USH2A: variants seen among roughly 807,000 people sequenced by gnomAD.
USH2A encodes Usher syndrome 2A (autosomal recessive, mild).
USH2A carries 443 observed loss-of-function variants against 538.9 expected under a neutral mutation model. That is an observed-to-expected ratio of 0.82 (90% CI 0.76 to 0.89). The LOEUF (loss-of-function observed/expected upper bound fraction) is 0.89. Ranked by LOEUF, USH2A falls within the 40% of genes least tolerant of loss-of-function variation. USH2A has a pLI of 0.00. For missense variants in USH2A, 6,633 were observed against 6,324.8 expected (o/e 1.05, Z -1.65); for synonymous variants, 2,413 against 2,273.5 (o/e 1.06, Z -1.75).
intron 61 of USH2A, among the ~76,000 whole-genome samples, chr1:215,694,132 G>A (rs1322283468): frequency 1.3e-5 from 2 of 152,170 alleles, no homozygotes; most frequent in African/African-American, 4.8e-5. Context: ...TGATTTTGTT[G>A]TTGAGCCTAA....
At position 216,175,464 on chromosome 1, in the gene USH2A, G is replaced by A. The variant is rs1487010011; in HGVS notation, c.4415C>T (p.Pro1472Leu). Residue 1472 changes from proline (P) to leucine (L), a missense_variant, in exon 21 of 72, where the codon CCA (proline) becomes CTA (leucine). Transcript: ENST00000307340. Reference sequence around the variant, plus strand: ...GCTGTTGATTCCTTTAACCAGAGGTGGCCTCAGTTGTGCTGGTGCTAAATA... The same window carrying A: ...GCTGTTGATTCCTTTAACCAGAGGTAGCCTCAGTTGTGCTGGTGCTAAATA... ...TLAAAPAQLRPPLVKGINSTT... is the reference protein window; with the variant it reads ...TLAAAPAQLRLPLVKGINSTT... The A allele has an allele frequency of 1.9e-6, 3 of 1,613,758 alleles. No homozygotes were observed. In the South Asian group the frequency reaches 3.3e-5, roughly 18 times the overall value.
chr1:216,389,430 A>G (rs2039062133), intron 3 of USH2A, among the ~76,000 whole-genome samples: 1 of 152,178 alleles, frequency 6.6e-6, no homozygotes, highest in Non-Finnish European at 1.5e-5. Flanking sequence ...TCAATAGAAT[A>G]TAATTCTCCA....
intron 37 of USH2A, among the ~76,000 whole-genome samples, chr1:215,947,701 A>C (rs1229334930): frequency 6.6e-6 from 1 of 152,224 alleles, no homozygotes; most frequent in Non-Finnish European, 1.5e-5. Context: ...ATTTGTTATC[A>C]GTTTGGCTTG....
chr1:215,853,814 A>G (rs1350223235), intron 44 of USH2A, among the ~76,000 whole-genome samples: 3 of 152,130 alleles, frequency 2.0e-5, no homozygotes, highest in African/African-American at 7.2e-5. Flanking sequence ...CAAATTCCTC[A>G]TCTCCATCTG....
chr1:215,833,330 C>T (rs138235653), intron 47 of USH2A, among the ~76,000 whole-genome samples: 80 of 151,616 alleles, frequency 5.3e-4, no homozygotes, highest in African/African-American at 1.6e-3. Context: ...CAAGATTGTG[C>T]GATATTGGTA....
At chr1:215,935,781 T>C (rs1268144303) in intron 37 of USH2A, among the ~76,000 whole-genome samples, 1 of 152,018 alleles carries the variant, frequency 6.6e-6, no homozygotes, top group African/African-American at 2.4e-5. Flanking sequence ...TTTGTCACTT[T>C]TAGAAATGAT....
chr1:216,112,847 G>A (rs966616933), intron 21 of USH2A, among the ~76,000 whole-genome samples: 1 of 151,684 alleles, frequency 6.6e-6, no homozygotes, highest in Non-Finnish European at 1.5e-5. Context: ...TCTTTATCTA[G>A]TCTGTCATTG....
intron 14 of USH2A, among the ~76,000 whole-genome samples, chr1:216,230,525 TG>T (rs2102518171): frequency 6.6e-6 from 1 of 152,282 alleles, no homozygotes; most frequent in East Asian, 1.9e-4. Context: ...AAATGATTTT[TG>T]TAGTTTTTAA....
intron 44 of USH2A, among the ~76,000 whole-genome samples, chr1:215,861,837 G>GCTT (rs1664322730): frequency 1.8e-5 from 2 of 109,568 alleles, no homozygotes; most frequent in Non-Finnish European, 3.5e-5. Context: ...AGTAGTTTTC[G>GCTT]CTTTTTTTTT....
At chr1:216,029,700 G>A (rs529455209) in intron 32 of USH2A, among the ~76,000 whole-genome samples, 2 of 151,816 alleles carry the variant, frequency 1.3e-5, no homozygotes, top group African/African-American at 2.4e-5. Context: ...TTCTCTTAAC[G>A]TCCAGAAAAT....
intron 32 of USH2A, among the ~76,000 whole-genome samples, chr1:216,016,889 AAGGG>A (rs1291036335): frequency 1.3e-5 from 2 of 150,376 alleles, no homozygotes; most frequent in Non-Finnish European, 3.0e-5. Flanking sequence ...GGTGGGAGGT[AAGGG>A]AGAACCCTTA....
rs146122722 is a variant in USH2A, at chr1:216,399,097, G to T, written c.651+19417C>A. 3.3e-3 allele frequency among the ~76,000 whole-genome samples: 495 copies of T among 152,274 alleles called. 2 individuals carry two copies. The highest frequency in any genetic ancestry group is 0.011 in the African/African-American group (469 of 41,554). ...TGGTAGCAGCAAGACTTAGTGAAGT[G>T]GTGCAAGGCAGGACTAGTCAGCACA... On this transcript the variant is annotated intron_variant, in intron 3 of 71. Coordinates refer to ENST00000307340, the MANE Select transcript of USH2A (RefSeq NM_206933.4).
At chr1:216,369,650 C>T (rs1012276493) in intron 3 of USH2A, among the ~76,000 whole-genome samples, 1 of 152,118 alleles carries the variant, frequency 6.6e-6, no homozygotes, top group Admixed American at 6.6e-5. Context: ...TGGAGGCTCA[C>T]ACCTCTAATC....
chr1:215,901,903 G>A (rs185906358), intron 38 of USH2A, among the ~76,000 whole-genome samples: 10 of 152,096 alleles, frequency 6.6e-5, no homozygotes, highest in Non-Finnish European at 1.5e-4. Context: ...TAATGACTCC[G>A]AGCCTATATT....
intron 47 of USH2A, among the ~76,000 whole-genome samples, chr1:215,823,922 A>T (rs4571939): frequency 0.37 from 56,780 of 151,788 alleles, 11,324 homozygotes; most frequent in Admixed American, 0.52. Context: ...CTGTTGAGAA[A>T]TGTCTGAATT....
chr1:216,164,653 T>C (rs770579156), intron 21 of USH2A, among the ~76,000 whole-genome samples: 1 of 151,984 alleles, frequency 6.6e-6, no homozygotes, highest in Non-Finnish European at 1.5e-5. Context: ...AAGGTAACAA[T>C]GACAACAAAA....
At chr1:216,041,409 T>C (rs1245980475) in intron 32 of USH2A, among the ~76,000 whole-genome samples, 1 of 152,116 alleles carries the variant, frequency 6.6e-6, no homozygotes, top group Non-Finnish European at 1.5e-5. Context: ...CCAAGCCACC[T>C]GGATGCTAAG....
Position 215,745,236 on chromosome 1 carries a change from A to C in USH2A, c.11390-1901T>G, listed in dbSNP as rs151051058. ...ATTTTATCAATTAATTCTTTGAGAA[A>C]TTTGGGCTTCATATATAATCAGCAA... On this transcript the variant is annotated intron_variant, in intron 58 of 71. Coordinates refer to ENST00000307340, the MANE Select transcript of USH2A (RefSeq NM_206933.4). 5.0e-3 allele frequency among the ~76,000 whole-genome samples: 760 copies of C among 152,296 alleles called. 8 individuals carry two copies. Among genetic ancestry groups the C allele is most frequent in the African/African-American group, 0.017 (727 of 41,564 alleles).
intron 13 of USH2A, among the ~76,000 whole-genome samples, chr1:216,240,239 A>G (rs2035912111): frequency 6.6e-6 from 1 of 152,150 alleles, no homozygotes; most frequent in East Asian, 1.9e-4. Flanking sequence ...TCCCTCTTAC[A>G]CTTCAGGAAG....
Sources: gnomAD v4.1 joint callset for allele counts (sites outside exome capture counted in the v4.1 genomes callset) on GRCh38, gnomAD v4.1.1 for gene constraint, MANE v1.5 for transcripts, NCBI Gene and HGNC (gene_info 2026-07-23, HGNC 2026-07-21) for gene names.